The following SIPA1L2 variants were observed in gnomAD, a reference collection of about 807,000 sequenced individuals.
The protein encoded by SIPA1L2 is signal-induced proliferation-associated 1-like protein 2.
SIPA1L2 carries 56 observed loss-of-function variants against 163.9 expected under a neutral mutation model. That is an observed-to-expected ratio of 0.34 (90% CI 0.28 to 0.43). SIPA1L2 has a LOEUF of 0.43. Among genes scored for constraint, SIPA1L2 ranks in the 20% least tolerant of loss-of-function variants. SIPA1L2 has a pLI of 1.00. For synonymous variants in SIPA1L2, 877 were observed against 865.7 expected (o/e 1.01, Z -0.23); for missense variants, 1,974 against 2,193.5 (o/e 0.90, Z 2.00).
rs532854240 is a variant in SIPA1L2 at position 232,620,742 on chromosome 1, C to G, written c.-319+9127G>C. Reference sequence around the variant, plus strand: ...AACTGCCAGTTTTAAACAAATTGTCCTGCTTTCTCTACCAGGGAAACAATA... The same window carrying G: ...AACTGCCAGTTTTAAACAAATTGTCGTGCTTTCTCTACCAGGGAAACAATA... On this transcript the variant is annotated intron_variant, in intron 1 of 22. Transcript: ENST00000674635. Among the ~76,000 whole-genome samples the G allele has an allele frequency of 2.0e-5, 3 of 152,322 alleles. No homozygotes were observed. The South Asian group carries it at 6.2e-4, about 32-fold the overall frequency.
Position 232,560,139 on chromosome 1 carries a change from A to C in SIPA1L2, c.-270+14035T>G, listed in dbSNP as rs902571692. 1.1e-4 allele frequency among the ~76,000 whole-genome samples: 17 copies of C among 152,330 alleles called. No individual in the cohort carries two copies. The South Asian group carries it at 2.9e-3, about 26-fold the overall frequency. ...GGCCAGTCCTTTATTGACAGTAAAGAAACGTACTTTGTGTTTTTAAAAACA... is the reference window on the plus strand; with the variant it reads ...GGCCAGTCCTTTATTGACAGTAAAGCAACGTACTTTGTGTTTTTAAAAACA... On this transcript the variant is annotated intron_variant, in intron 2 of 22. Coordinates refer to ENST00000674635, the MANE Select transcript of SIPA1L2 (RefSeq NM_020808.5).
chr1:232,599,238 C>T (rs781666207), intron 1 of SIPA1L2, among the ~76,000 whole-genome samples: 5 of 152,260 alleles, frequency 3.3e-5, no homozygotes, highest in East Asian at 1.9e-4. Context: ...TCTGATCATC[C>T]GGAACACCGC....
chr1:232,564,298 CTT>C (rs1188442543), intron 2 of SIPA1L2, among the ~76,000 whole-genome samples: 3 of 124,494 alleles, frequency 2.4e-5, no homozygotes, highest in Admixed American at 1.8e-4. Flanking sequence ...GAGTTTTGCT[CTT>C]GTTGCCCAGG....
chr1:232,558,876 A>C (rs1427381986), intron 2 of SIPA1L2, among the ~76,000 whole-genome samples: 1 of 152,206 alleles, frequency 6.6e-6, no homozygotes, highest in Non-Finnish European at 1.5e-5. Context: ...CTAGTATAAA[A>C]CGATCCTCTC....
chr1:232,448,478 G>A (rs187088698), intron 10 of SIPA1L2, among the ~76,000 whole-genome samples: 3 of 152,328 alleles, frequency 2.0e-5, no homozygotes, highest in Admixed American at 2.0e-4. Context: ...GCATGGTATA[G>A]TAAAAGTTTC....
rs370637733 is a variant in SIPA1L2, at chr1:232,432,348, C to T, written c.4155G>A (p.Lys1385=). The stretch of plus-strand genomic sequence containing the variant: ...TCACTGCCCCTTGTCTGTGGTAGGG[C>T]TTGGACATGGACCCGGGAACCTGTT... The part of the protein sequence containing the change: ...SGQQVPGSMS[K]PYHRQGAVNK... Residue 1385 remains lysine (K), a synonymous_variant, in exon 16 of 23, where the codon AAG becomes AAA. Transcript: ENST00000674635. 6.2e-6 allele frequency: 10 copies of T among 1,614,104 alleles called. No individual in the cohort carries two copies. Among genetic ancestry groups the T allele is most frequent in the Admixed American group, 3.3e-5 (2 of 60,006 alleles).
chr1:232,470,672 C>A (rs909811033), intron 8 of SIPA1L2, among the ~76,000 whole-genome samples: 4 of 152,166 alleles, frequency 2.6e-5, no homozygotes, highest in African/African-American at 9.7e-5. Context: ...TTCATCATAA[C>A]AACATACTGA....
At chr1:232,413,671 T>C (rs1235808315) in intron 19 of SIPA1L2, among the ~76,000 whole-genome samples, 6 of 152,232 alleles carry the variant, frequency 3.9e-5, no homozygotes, top group African/African-American at 1.4e-4. Context: ...TTTGGTTATC[T>C]TGATATGTAT....
chr1:232,563,352 A>G (rs1210668581), intron 2 of SIPA1L2, among the ~76,000 whole-genome samples: 4 of 152,094 alleles, frequency 2.6e-5, no homozygotes, highest in Non-Finnish European at 5.9e-5. Context: ...AGCAAACCTA[A>G]ATTTTAGCCC....
At chr1:232,622,571 T>C (rs927409981) in intron 1 of SIPA1L2, among the ~76,000 whole-genome samples, 1 of 152,176 alleles carries the variant, frequency 6.6e-6, no homozygotes, top group Admixed American at 6.5e-5. Context: ...AGATGAGACT[T>C]TGAAACCTGG....
At chr1:232,604,016 G>A (rs1661754158) in intron 1 of SIPA1L2, among the ~76,000 whole-genome samples, 1 of 152,072 alleles carries the variant, frequency 6.6e-6, no homozygotes, top group Non-Finnish European at 1.5e-5. Context: ...TTTAAGACCT[G>A]CTGAATGGCA....
chr1:232,502,786 T>C (rs1449772952), intron 3 of SIPA1L2, among the ~76,000 whole-genome samples: 1 of 152,210 alleles, frequency 6.6e-6, no homozygotes, highest in African/African-American at 2.4e-5. Flanking sequence ...ATACAGTAGG[T>C]TACCTGGATG....
rs528884751 is a variant in SIPA1L2, at chr1:232,417,428, C to T, written c.4631-1803G>A. Among the ~76,000 whole-genome samples the T allele has an allele frequency of 2.6e-5, 4 of 152,262 alleles. No homozygotes were observed. The South Asian group carries it at 8.3e-4, about 32-fold the overall frequency. The stretch of plus-strand genomic sequence containing the variant: ...CTTCTCCACATGCTCTTCTTTGAAA[C>T]AACACTGGTTCTTCCTTATTCTACT... On this transcript the variant is annotated intron_variant, in intron 18 of 22. Transcript: ENST00000674635.
intron 10 of SIPA1L2, among the ~76,000 whole-genome samples, chr1:232,450,021 G>A (rs1477584203): frequency 3.3e-5 from 5 of 152,140 alleles, no homozygotes; most frequent in African/African-American, 4.8e-5. Context: ...CCAAATTCAT[G>A]GTAGCGTTAA....
chr1:232,491,825 C>T (rs528822165), intron 4 of SIPA1L2, among the ~76,000 whole-genome samples: 3 of 152,254 alleles, frequency 2.0e-5, no homozygotes, highest in African/African-American at 7.2e-5. Flanking sequence ...CTAACGTTTG[C>T]ATAATGTTCC....
intron 1 of SIPA1L2, among the ~76,000 whole-genome samples, chr1:232,601,761 T>A (rs1385206022): frequency 6.6e-6 from 1 of 152,216 alleles, no homozygotes; most frequent in South Asian, 2.1e-4. Context: ...ATTTTACTTG[T>A]ATTCTTTACA....
At chr1:232,586,361 CA>C (rs1558287025) in intron 1 of SIPA1L2, among the ~76,000 whole-genome samples, 1 of 152,076 alleles carries the variant, frequency 6.6e-6, no homozygotes, top group Non-Finnish European at 1.5e-5. Context: ...TATCAGATGT[CA>C]TTTTATCTAG....
chr1:232,596,381 AAC>A (rs985838451), intron 1 of SIPA1L2, among the ~76,000 whole-genome samples: 5 of 152,216 alleles, frequency 3.3e-5, no homozygotes, highest in African/African-American at 1.2e-4. Context: ...ACGAATTTCA[AAC>A]ACACACTGCC....
At chr1:232,546,537 G>A (rs942624127) in intron 2 of SIPA1L2, among the ~76,000 whole-genome samples, 1 of 152,198 alleles carries the variant, frequency 6.6e-6, no homozygotes, top group African/African-American at 2.4e-5. Context: ...TTGACTCTGA[G>A]GAGATGCTTA....
Sources: allele counts gnomAD v4.1 joint callset (sites outside exome capture counted in the v4.1 genomes callset), GRCh38; gene constraint gnomAD v4.1.1; transcripts MANE v1.5; gene names NCBI Gene and HGNC (gene_info 2026-07-23, HGNC 2026-07-21).